The following F13A1 variants were observed in gnomAD, a reference collection of about 807,000 sequenced individuals.
F13A1 encodes the protein coagulation factor XIII A chain.
A neutral mutation model predicts 80.1 loss-of-function variants in F13A1; 47 were observed. The observed-to-expected ratio is 0.59, with a 90% CI of 0.46 to 0.75. F13A1 has a LOEUF of 0.75. Among genes scored for constraint, F13A1 ranks in the 30% least tolerant of loss-of-function variants. The pLI is 0.00. For synonymous variants in F13A1, 349 were observed against 344.9 expected, an observed-to-expected ratio of 1.01 and a Z score of -0.13; for missense variants, 817 against 930.4, an observed-to-expected ratio of 0.88 and a Z score of 1.59.
chr6:6,208,871 T>C (rs1243289069), intron 8 of F13A1, among the ~76,000 whole-genome samples: 1 of 152,206 alleles, frequency 6.6e-6, no homozygotes, highest in Non-Finnish European at 1.5e-5. Flanking sequence ...GTAAGATCTA[T>C]GATTGTAAAA....
chr6:6,302,271 G>A (rs74877414), intron 3 of F13A1, among the ~76,000 whole-genome samples: 7,165 of 152,008 alleles, frequency 0.047, 210 homozygotes, highest in Middle Eastern at 0.11. Flanking sequence ...AGCTTCAAAC[G>A]TGAATTTGTT....
chr6:6,293,808 AGGGAG>A (rs1758271174), intron 3 of F13A1, among the ~76,000 whole-genome samples: 1 of 42,460 alleles, frequency 2.4e-5, no homozygotes, highest in Non-Finnish European at 4.0e-5. Context: ...GGAGGGAGGG[AGGGAG>A]GGAGGGAGGG....
chr6:6,197,421 T>A, intron 8 of F13A1, 95 bp from the exon 9 acceptor site: 1 of 1,213,048 alleles, frequency 8.2e-7, no homozygotes, highest in Non-Finnish European at 1.2e-6. Flanking sequence ...GGCTCATGCC[T>A]GTAATCCCAG....
At chr6:6,172,451 GT>G (rs60664705) in intron 12 of F13A1, among the ~76,000 whole-genome samples, 18 of 148,026 alleles carry the variant, frequency 1.2e-4, no homozygotes, top group Admixed American at 2.7e-4. Flanking sequence ...ACACTATAGT[GT>G]TTTTTTTTTT....
chr6:6,192,979 C>A (rs534904573), intron 10 of F13A1, among the ~76,000 whole-genome samples: 1 of 152,180 alleles, frequency 6.6e-6, no homozygotes, highest in South Asian at 2.1e-4. Context: ...CGACTCCAGA[C>A]GCTTAGAACA....
Position 6,312,676 on chromosome 6 carries a change from T to C in F13A1, c.130+5859A>G, listed in dbSNP as rs1436226981. Among the ~76,000 whole-genome samples the C allele has an allele frequency of 4.6e-5, 7 of 150,578 alleles. No homozygotes were observed. In the East Asian group the frequency reaches 1.2e-3, roughly 25 times the overall value. ...CTGGGTGACAGAGCAAGACTCCGTCTCAAAACAAAAACAAAAAAAGTCTGT... is the reference window on the plus strand; with the variant it reads ...CTGGGTGACAGAGCAAGACTCCGTCCCAAAACAAAAACAAAAAAAGTCTGT... On this transcript the variant is annotated intron_variant, in intron 2 of 14. Coordinates refer to ENST00000264870, the MANE Select transcript of F13A1 (RefSeq NM_000129.4).
In F13A1 at chr6:6,250,030, A is replaced by G. The variant is rs543574850; in HGVS notation, c.690+781T>C. On this transcript the variant is annotated intron_variant, in intron 5 of 14. Transcript: ENST00000264870. The surrounding 1 kb of genome is among the most constrained non-coding windows in gnomAD (Gnocchi z 4.2). ...GCAAGGCATCCGGAGCCAAGAAAGT[A>G]CCCTGTGACCACCAGATTCCATGAA... 1.7e-4 allele frequency among the ~76,000 whole-genome samples: 26 copies of G among 152,138 alleles called. No homozygotes were observed. The highest frequency in any genetic ancestry group is 5.8e-4 in the African/African-American group (24 of 41,502).
At chr6:6,172,700 G>A (rs947715798) in intron 12 of F13A1, among the ~76,000 whole-genome samples, 6 of 152,100 alleles carry the variant, frequency 3.9e-5, no homozygotes, top group African/African-American at 1.4e-4. Context: ...ACCCGCCTCA[G>A]CCTCCCAAAC....
chr6:6,163,736 C>T (rs977332323), intron 13 of F13A1, among the ~76,000 whole-genome samples: 5 of 152,102 alleles, frequency 3.3e-5, no homozygotes, highest in Non-Finnish European at 7.3e-5. Context: ...TAGGTTGATT[C>T]CATGTGTGTG....
intron 11 of F13A1, among the ~76,000 whole-genome samples, chr6:6,175,855 A>G (rs1760874161): frequency 6.6e-6 from 1 of 152,224 alleles, no homozygotes; most frequent in Non-Finnish European, 1.5e-5. Context: ...GAAAAAGAGG[A>G]GGGTAACCTC....
chr6:6,298,551 T>G (rs1554105234), intron 3 of F13A1, among the ~76,000 whole-genome samples: 1 of 149,634 alleles, frequency 6.7e-6, no homozygotes, highest in Non-Finnish European at 1.5e-5. Context: ...GTCTGTTTTA[T>G]CAGAGACTAG....
At chr6:6,241,638 A>C (rs1757485027) in intron 6 of F13A1, among the ~76,000 whole-genome samples, 1 of 152,324 alleles carries the variant, frequency 6.6e-6, no homozygotes, top group Non-Finnish European at 1.5e-5. Context: ...TCACTCCAAA[A>C]AAAGAGGTTT....
chr6:6,199,895 A>C (rs1761362048), intron 8 of F13A1, among the ~76,000 whole-genome samples: 1 of 152,182 alleles, frequency 6.6e-6, no homozygotes, highest in Admixed American at 6.5e-5. Flanking sequence ...GAGGGAGAGA[A>C]GCCATTGGGG....
At chr6:6,252,817 GA>G (rs1200058618) in intron 4 of F13A1, among the ~76,000 whole-genome samples, 1 of 152,048 alleles carries the variant, frequency 6.6e-6, no homozygotes, top group Non-Finnish European at 1.5e-5. Context: ...AGAAGTTTTG[GA>G]ACTTTGCATG....
chr6:6,247,457 C>T (rs1757569364), intron 6 of F13A1, among the ~76,000 whole-genome samples: 1 of 152,148 alleles, frequency 6.6e-6, no homozygotes, highest in African/African-American at 2.4e-5. Context: ...GGGTCTACTT[C>T]TCTGTACCAA....
At chr6:6,151,011 C>A (rs1760363737) in intron 14 of F13A1, among the ~76,000 whole-genome samples, 2 of 152,130 alleles carry the variant, frequency 1.3e-5, no homozygotes, top group African/African-American at 2.4e-5. Context: ...TTCTGTCAGT[C>A]CAGATGGCAG....
intron 10 of F13A1, among the ~76,000 whole-genome samples, chr6:6,186,080 T>G (rs1165615088): frequency 2.6e-5 from 4 of 151,290 alleles, no homozygotes; most frequent in Admixed American, 6.6e-5. Context: ...TTTGTTTTTT[T>G]CTTGTAAATT....
chr6:6,212,904 C>T (rs1042359313), intron 8 of F13A1, among the ~76,000 whole-genome samples: 24 of 152,004 alleles, frequency 1.6e-4, no homozygotes, highest in African/African-American at 5.3e-4. Flanking sequence ...GGAGCCGATG[C>T]GATCAACTGG....
intron 4 of F13A1, among the ~76,000 whole-genome samples, chr6:6,253,696 T>C (rs1488119444): frequency 1.3e-5 from 2 of 152,244 alleles, no homozygotes; most frequent in Non-Finnish European, 2.9e-5. Context: ...GTAGCATTAG[T>C]GTGATTATAG....
Sources: allele counts gnomAD v4.1 joint callset (sites outside exome capture counted in the v4.1 genomes callset), GRCh38; gene constraint gnomAD v4.1.1; non-coding constraint Gnocchi (gnomAD v3.1); transcripts MANE v1.5; gene names NCBI Gene and HGNC (gene_info 2026-07-23, HGNC 2026-07-21).